FUT8: variants seen among roughly 807,000 people sequenced by gnomAD.
FUT8 encodes alpha-(1,6)-fucosyltransferase.
Under a neutral mutation model 71.3 loss-of-function variants are expected in FUT8, and 29 were observed. That is an observed-to-expected ratio of 0.41 (90% CI 0.30 to 0.55). FUT8 has a LOEUF of 0.55. Ranked by LOEUF, FUT8 falls within the 20% of genes least tolerant of loss-of-function variation. FUT8 has a pLI of 0.34. For synonymous variants in FUT8, 254 were observed against 239.3 expected, an observed-to-expected ratio of 1.06 and a Z score of -0.57; for missense variants, 544 against 702.1, an observed-to-expected ratio of 0.77 and a Z score of 2.55.
At chr14:65,604,303 C>G (rs915605928) in intron 3 of FUT8, among the ~76,000 whole-genome samples, 2 of 151,856 alleles carry the variant, frequency 1.3e-5, no homozygotes, top group African/African-American at 4.8e-5. Context: ...AGTATACATT[C>G]TATTCATCAG....
At chr14:65,621,910 C>T (rs566260265) in intron 5 of FUT8, among the ~76,000 whole-genome samples, 37 of 152,136 alleles carry the variant, frequency 2.4e-4, no homozygotes, top group Admixed American at 2.0e-4. Context: ...CTGCAACCTC[C>T]GCCTCCCAGG....
chr14:65,467,751 G>A lies in FUT8; in HGVS notation c.-228+12033G>A. ...AGCCTCCCAAAGTGCTGGGATTACA[G>A]GTGTGAGCCACCGTGCCCAGCCAGT... is the stretch of plus-strand genomic sequence containing the variant. On this transcript the variant is annotated intron_variant, in intron 2 of 10. Transcript: ENST00000673929. This position sits in a 1 kb window ranked among gnomAD's most constrained non-coding sequence, Gnocchi z 4.1. The A allele has an allele frequency of 1.8e-6, 1 of 559,032 alleles. No individual in the cohort carries two copies. The highest frequency in any genetic ancestry group is 3.4e-6 in the Non-Finnish European group (1 of 295,070). The allele number at this position is 559,032 out of a possible 1,614,324, so 34.6% of individuals were successfully genotyped here. A position where few individuals can be genotyped will look rare whatever the true frequency, so the allele number is the denominator to read the frequency against.
chr14:65,667,684 A>G (rs1340764066), intron 6 of FUT8, among the ~76,000 whole-genome samples: 1 of 152,168 alleles, frequency 6.6e-6, no homozygotes, highest in Non-Finnish European at 1.5e-5. Context: ...TTTAAAATTC[A>G]TACAGAATCA....
intron 6 of FUT8, among the ~76,000 whole-genome samples, chr14:65,664,250 C>T (rs1369853897): frequency 6.6e-6 from 1 of 152,058 alleles, no homozygotes; most frequent in Non-Finnish European, 1.5e-5. Context: ...TGAATCAGTT[C>T]GAGAATATTA....
chr14:65,407,473 T>C (rs2065092351), upstream of FUT8, among the ~76,000 whole-genome samples: 1 of 152,154 alleles, frequency 6.6e-6, no homozygotes, highest in Non-Finnish European at 1.5e-5. Flanking sequence ...ATCCAATATA[T>C]TTAAAAAAAT....
intron 2 of FUT8, among the ~76,000 whole-genome samples, chr14:65,461,236 A>G (rs1044954668): frequency 6.6e-6 from 1 of 152,078 alleles, no homozygotes; most frequent in Non-Finnish European, 1.5e-5. Context: ...CATAACTCCA[A>G]TCTCTACCTC....
chr14:65,602,220 A>C (rs1473096168), intron 3 of FUT8, among the ~76,000 whole-genome samples: 1 of 149,546 alleles, frequency 6.7e-6, no homozygotes, highest in African/African-American at 2.5e-5. Context: ...GAGTGAGAAC[A>C]TAGGATGTTT....
At chr14:65,491,302 AT>A (rs765904279) in intron 2 of FUT8, among the ~76,000 whole-genome samples, 24 of 152,264 alleles carry the variant, frequency 1.6e-4, no homozygotes, top group Non-Finnish European at 2.9e-4. Flanking sequence ...GTGAATTGTC[AT>A]TAATCAAAGG....
intron 7 of FUT8, among the ~76,000 whole-genome samples, chr14:65,688,062 AT>A (rs1417067183): frequency 1.3e-5 from 2 of 152,194 alleles, no homozygotes; most frequent in African/African-American, 4.8e-5. Flanking sequence ...GGCATGGTAT[AT>A]TTGTCATAAT....
the FUT8 span, among the ~76,000 whole-genome samples, chr14:65,390,957 A>C: frequency 1.3e-5 from 2 of 151,998 alleles, no homozygotes; most frequent in African/African-American, 4.8e-5. Flanking sequence ...CGATCTCCTG[A>C]CCTCTTGATC....
chr14:65,678,665 C>T lies in FUT8; in HGVS notation c.835+9185C>T, dbSNP rs576896773. 1.7e-3 allele frequency among the ~76,000 whole-genome samples: 253 copies of T among 152,298 alleles called. 1 individual carries two copies. The highest frequency in any genetic ancestry group is 2.5e-3 in the Non-Finnish European group (170 of 68,020). ...AATAGGCCCCTGTGAAGCCTCTACT[C>T]TGTGGGAGCTAACGCTTAGGAATCT... On this transcript the variant is annotated intron_variant, in intron 7 of 10. Transcript: ENST00000673929.
At chr14:65,635,012 A>G (rs768653714) in intron 6 of FUT8, among the ~76,000 whole-genome samples, 9 of 152,140 alleles carry the variant, frequency 5.9e-5, no homozygotes, top group Non-Finnish European at 1.0e-4. Flanking sequence ...TTCTTTCAGC[A>G]CTATTTTGTA....
Position 65,669,209 on chromosome 14 carries a change from TATC to T in FUT8, c.598-33_598-31del. On this transcript the variant is annotated intron_variant, in intron 6 of 10. Coordinates refer to ENST00000673929, the MANE Select transcript of FUT8 (RefSeq NM_001371533.1). The surrounding 1 kb of genome is among the most constrained non-coding windows in gnomAD (Gnocchi z 4.5). ...GAGCAGTTGACCTCTCTGTACAACT[TATC>T]TTTATTTTCATTTCTCTTTCTCCCT... The T allele has an allele frequency of 6.5e-7, 1 of 1,540,486 alleles. No homozygotes were observed. Among genetic ancestry groups the T allele is most frequent in the Non-Finnish European group, 8.9e-7 (1 of 1,117,510 alleles).
chr14:65,528,618 A>C (rs1399282601), intron 2 of FUT8, among the ~76,000 whole-genome samples: 3 of 152,142 alleles, frequency 2.0e-5, no homozygotes, highest in Admixed American at 2.0e-4. Context: ...GAAATGCAGA[A>C]ATCACCTGTC....
intron 2 of FUT8, among the ~76,000 whole-genome samples, chr14:65,464,628 A>T (rs898745682): frequency 6.7e-6 from 1 of 149,858 alleles, no homozygotes; most frequent in Non-Finnish European, 1.5e-5. Flanking sequence ...TGATTGTATG[A>T]TTTTTTTTTT....
chr14:65,439,954 G>GTACACA (rs1378430231), intron 1 of FUT8, among the ~76,000 whole-genome samples: 2 of 74,984 alleles, frequency 2.7e-5, no homozygotes, highest in Non-Finnish European at 5.0e-5. Context: ...GTGTGTGTGT[G>GTACACA]TATATATATA....
At chr14:65,579,862 T>C (rs1886981537) in intron 3 of FUT8, among the ~76,000 whole-genome samples, 1 of 152,040 alleles carries the variant, frequency 6.6e-6, no homozygotes, top group Non-Finnish European at 1.5e-5. Context: ...TACAAGAATA[T>C]GCACAATTTA....
intron 1 of FUT8, among the ~76,000 whole-genome samples, chr14:65,423,061 C>T (rs1378396121): frequency 1.3e-5 from 2 of 149,574 alleles, no homozygotes; most frequent in Non-Finnish European, 3.0e-5. Context: ...TCTCGGCTCA[C>T]TGCAACCTCC....
At chr14:65,598,894 G>A (rs1422206967) in intron 3 of FUT8, among the ~76,000 whole-genome samples, 1 of 152,102 alleles carries the variant, frequency 6.6e-6, no homozygotes, top group Non-Finnish European at 1.5e-5. Flanking sequence ...GGGTTCAAGC[G>A]ATTCCCCTGC....
Sources: gnomAD v4.1 joint callset for allele counts (sites outside exome capture counted in the v4.1 genomes callset) on GRCh38, gnomAD v4.1.1 for gene constraint, Gnocchi (gnomAD v3.1) non-coding constraint, MANE v1.5 for transcripts, NCBI Gene and HGNC (gene_info 2026-07-23, HGNC 2026-07-21) for gene names.